The following CDH18 variants were observed in gnomAD, a reference collection of about 807,000 sequenced individuals.
The protein encoded by CDH18 is cadherin-18.
A neutral mutation model predicts 67.9 loss-of-function variants in CDH18; 31 were observed. That is an observed-to-expected ratio of 0.46 (90% CI 0.34 to 0.62). The LOEUF (loss-of-function observed/expected upper bound fraction) is 0.62, where lower values mean the gene tolerates loss of function less well. Ranked by LOEUF, CDH18 falls within the 20% of genes least tolerant of loss-of-function variation. The pLI is 0.01. For missense variants in CDH18, 890 were observed against 975.5 expected (o/e 0.91, Z 1.17); for synonymous variants, 362 against 347.2 (o/e 1.04, Z -0.48).
At chr5:20,195,610 G>C (rs759249961) in intron 2 of CDH18, among the ~76,000 whole-genome samples, 1 of 151,942 alleles carries the variant, frequency 6.6e-6, no homozygotes, top group African/African-American at 2.4e-5. Flanking sequence ...CTTTATTTTA[G>C]TAGGTTGTAG....
chr5:20,046,358 G>C (rs1740891618), intron 2 of CDH18, among the ~76,000 whole-genome samples: 1 of 151,820 alleles, frequency 6.6e-6, no homozygotes. Context: ...ATTGGGCATG[G>C]CTAGAAAAAA....
chr5:19,559,175 GT>G (rs1276786755), intron 8 of CDH18, among the ~76,000 whole-genome samples: 1 of 151,928 alleles, frequency 6.6e-6, no homozygotes, highest in African/African-American at 2.4e-5. Context: ...TGTACTGTGT[GT>G]TTTTTGTTTC....
Position 20,266,571 on chromosome 5 carries a change from A to ATTTTTTTTTTTTTTTTTT in CDH18, c.-579-11084_-579-11067dup, listed in dbSNP as rs34718835. 8.3e-4 allele frequency among the ~76,000 whole-genome samples: 49 copies of ATTTTTTTTTTTTTTTTTT among 59,186 alleles called. 2 individuals carry two copies. Among genetic ancestry groups the ATTTTTTTTTTTTTTTTTT allele is most frequent in the African/African-American group, 2.6e-3 (37 of 14,118 alleles). The allele number at this position is 59,186 out of a possible 152,430, so 38.8% of individuals were successfully genotyped here. On this transcript the variant is annotated intron_variant, in intron 1 of 14. Transcript: ENST00000507958. Reference sequence around the variant, plus strand: ...GGCACGTGCCGGCACGCCCGGCTGAATTTTTTTTTTTTTTTTTTTTTTTTT... The same window carrying ATTTTTTTTTTTTTTTTTT: ...GGCACGTGCCGGCACGCCCGGCTGAATTTTTTTTTTTTTTTTTTTTTTTTTTTTTTTTTTTTTTTTTTT...
At chr5:20,204,146 A>C (rs954237128) in intron 2 of CDH18, among the ~76,000 whole-genome samples, 55 of 152,090 alleles carry the variant, frequency 3.6e-4, no homozygotes, top group Non-Finnish European at 7.4e-5. Context: ...CAGAAACGTC[A>C]GAGAACACCA....
intron 2 of CDH18, among the ~76,000 whole-genome samples, chr5:20,085,272 A>C (rs1193737568): frequency 1.3e-5 from 2 of 152,106 alleles, no homozygotes; most frequent in Admixed American, 6.6e-5. Context: ...TTGCTAAAAC[A>C]TCTCAAGAGT....
intron 8 of CDH18, among the ~76,000 whole-genome samples, chr5:19,548,713 T>A (rs1736774715): frequency 1.3e-5 from 2 of 151,726 alleles, no homozygotes; most frequent in African/African-American, 4.8e-5. Flanking sequence ...GTGCAACAGA[T>A]TAAAATACAA....
chr5:20,437,117 A>G (rs1211328877), intron 1 of CDH18, among the ~76,000 whole-genome samples: 1 of 150,664 alleles, frequency 6.6e-6, no homozygotes, highest in Non-Finnish European at 1.5e-5. Flanking sequence ...GTGGTGTTAC[A>G]TCAACACAGT....
chr5:20,528,675 C>A (rs1198560007), intron 1 of CDH18, among the ~76,000 whole-genome samples: 1 of 149,700 alleles, frequency 6.7e-6, no homozygotes, highest in African/African-American at 2.4e-5. Context: ...CAAAATTAAG[C>A]CACAAATCTT....
chr5:19,890,618 A>G (rs926530705), intron 2 of CDH18, among the ~76,000 whole-genome samples: 7 of 147,960 alleles, frequency 4.7e-5, no homozygotes, highest in African/African-American at 1.7e-4. Flanking sequence ...TTTTTGAGAC[A>G]AAGTCTTGCT....
chr5:19,883,906 T>G (rs934933233), intron 2 of CDH18, among the ~76,000 whole-genome samples: 1 of 152,124 alleles, frequency 6.6e-6, no homozygotes, highest in African/African-American at 2.4e-5. Flanking sequence ...ATTATTCATG[T>G]CATCTTCGTT....
intron 2 of CDH18, among the ~76,000 whole-genome samples, chr5:20,136,574 T>C (rs1749736563): frequency 6.6e-6 from 1 of 152,204 alleles, no homozygotes; most frequent in African/African-American, 2.4e-5. Flanking sequence ...AATTGGAGCA[T>C]TTAGCCCATT....
chr5:19,982,864 G>GA (rs1000857967), intron 1 of CDH18, among the ~76,000 whole-genome samples: 4 of 151,918 alleles, frequency 2.6e-5, no homozygotes, highest in African/African-American at 9.7e-5. Flanking sequence ...CTAACATGGT[G>GA]AAACCCCATC....
intron 2 of CDH18, among the ~76,000 whole-genome samples, chr5:20,015,957 T>C (rs1195915593): frequency 6.6e-6 from 1 of 152,062 alleles, no homozygotes; most frequent in Non-Finnish European, 1.5e-5. Context: ...AGATTTGTGG[T>C]TGTGAGAAAA....
intron 1 of CDH18, among the ~76,000 whole-genome samples, chr5:20,462,852 C>G (rs1751368086): frequency 6.6e-6 from 1 of 152,116 alleles, no homozygotes; most frequent in African/African-American, 2.4e-5. Flanking sequence ...TAAGCTGGCT[C>G]CATGTCAATT....
intron 2 of CDH18, among the ~76,000 whole-genome samples, chr5:20,214,272 A>G (rs1395593647): frequency 1.3e-5 from 2 of 152,022 alleles, no homozygotes; most frequent in Non-Finnish European, 2.9e-5. Flanking sequence ...CTGTCCAAAA[A>G]ACATTTTATA....
At chr5:20,397,282 C>T (rs557038281) in intron 1 of CDH18, among the ~76,000 whole-genome samples, 5 of 152,124 alleles carry the variant, frequency 3.3e-5, no homozygotes, top group Admixed American at 1.3e-4. Flanking sequence ...AGGTGCGCAC[C>T]ACCACGCCCG....
At chr5:19,529,392 T>G (rs1312702759) in intron 9 of CDH18, among the ~76,000 whole-genome samples, 1 of 152,054 alleles carries the variant, frequency 6.6e-6, no homozygotes, top group Non-Finnish European at 1.5e-5. Flanking sequence ...ACTGAATGCT[T>G]TATCCCAAGG....
At chr5:20,552,831 C>T (rs571506345) in intron 1 of CDH18, among the ~76,000 whole-genome samples, 4 of 151,896 alleles carry the variant, frequency 2.6e-5, no homozygotes, top group East Asian at 1.9e-4. Flanking sequence ...TCTCGGCTCA[C>T]CGCAACCTCT....
intron 2 of CDH18, among the ~76,000 whole-genome samples, chr5:20,209,823 T>C (rs1285433306): frequency 6.7e-6 from 1 of 148,624 alleles, no homozygotes; most frequent in East Asian, 2.0e-4. Flanking sequence ...CGTGATTTGA[T>C]ATTTACACAT....
Sources: gnomAD v4.1 joint callset for allele counts (sites outside exome capture counted in the v4.1 genomes callset) on GRCh38, gnomAD v4.1.1 for gene constraint, MANE v1.5 for transcripts, NCBI Gene and HGNC (gene_info 2026-07-23, HGNC 2026-07-21) for gene names.